Variants in ESRRG observed in about 807,000 individuals in gnomAD.
ESRRG encodes the protein estrogen-related receptor gamma.
Under a neutral mutation model 44.0 loss-of-function variants are expected in ESRRG, and 13 were observed. The ratio of observed to expected loss-of-function variants is 0.30; its 90% CI spans 0.19 to 0.47. The LOEUF is 0.47. Among genes scored for constraint, ESRRG ranks in the 20% least tolerant of loss-of-function variants. The probability of loss-of-function intolerance (pLI) is 1.00; values close to 1 mark genes in which losing one functional copy is unlikely to be tolerated. For missense variants in ESRRG, 395 were observed against 580.6 expected, an observed-to-expected ratio of 0.68 and a Z score of 3.29; for synonymous variants, 215 against 214.6, an observed-to-expected ratio of 1.00 and a Z score of -0.02.
chr1:216,531,471 C>T (rs2049358063), intron 5 of ESRRG, among the ~76,000 whole-genome samples: 1 of 152,092 alleles, frequency 6.6e-6, no homozygotes, highest in South Asian at 2.1e-4. Context: ...GACCAGTTAT[C>T]TTCTCATTGA....
Position 216,920,599 on chromosome 1 carries a change from A to G in ESRRG, c.-14+18983T>C, listed in dbSNP as rs781262512. ...CTGATGTACAAAGAAAGAGACTTAT[A>G]TCATCTTGTGGTGGTTTGTAGGATT... On this transcript the variant is annotated intron_variant, in intron 2 of 7. Coordinates refer to the ESRRG transcript ENST00000359162. Among the ~76,000 whole-genome samples the G allele has an allele frequency of 2.0e-5, 3 of 152,216 alleles. 1 individual carries two copies. The highest frequency in any genetic ancestry group is 2.0e-4 in the Admixed American group (3 of 15,270).
At chr1:216,889,389 G>A (rs923493518) in intron 2 of ESRRG, among the ~76,000 whole-genome samples, 1 of 152,174 alleles carries the variant, frequency 6.6e-6, no homozygotes, top group South Asian at 2.1e-4. Context: ...AATTCAGCAG[G>A]CTGTCAATCA....
At chr1:216,699,895 A>G (rs559654632) in intron 1 of ESRRG, among the ~76,000 whole-genome samples, 1 of 152,344 alleles carries the variant, frequency 6.6e-6, no homozygotes, top group African/African-American at 2.4e-5. Context: ...AGCCTCGCCT[A>G]TGGATTTCCT....
intron 2 of ESRRG, among the ~76,000 whole-genome samples, chr1:216,867,420 C>T (rs946436474): frequency 3.3e-5 from 5 of 152,118 alleles, no homozygotes; most frequent in Admixed American, 6.5e-5. Flanking sequence ...GCAGAAATTT[C>T]TCTTCATATA....
intron 1 of ESRRG, among the ~76,000 whole-genome samples, chr1:216,966,989 T>C (rs1425982136): frequency 6.6e-6 from 1 of 152,134 alleles, no homozygotes; most frequent in Non-Finnish European, 1.5e-5. Flanking sequence ...TGTGTACACA[T>C]CCATTTGAAC....
chr1:216,692,167 G>A (rs570261972), intron 1 of ESRRG, among the ~76,000 whole-genome samples: 161 of 152,132 alleles, frequency 1.1e-3, no homozygotes, highest in African/African-American at 3.7e-3. Flanking sequence ...TCCTTCAGGA[G>A]GTATTTCAGG....
At chr1:216,826,986 T>C (rs779444680) in intron 2 of ESRRG, among the ~76,000 whole-genome samples, 1 of 152,172 alleles carries the variant, frequency 6.6e-6, no homozygotes, top group African/African-American at 2.4e-5. Flanking sequence ...TGATCCCTGC[T>C]GTCCATCACA....
At chr1:217,102,633 C>T (rs938541155) in intron 1 of ESRRG, among the ~76,000 whole-genome samples, 1 of 152,212 alleles carries the variant, frequency 6.6e-6, no homozygotes, top group African/African-American at 2.4e-5. Context: ...GAATAACCTT[C>T]CCCAAAGCAT....
chr1:217,011,732 C>G (rs990687144), intron 1 of ESRRG, among the ~76,000 whole-genome samples: 11 of 152,074 alleles, frequency 7.2e-5, no homozygotes, highest in Non-Finnish European at 1.5e-4. Context: ...TAAATTCTCC[C>G]AGGGATTCCT....
chr1:216,693,182 C>T (rs1458318110), intron 1 of ESRRG, among the ~76,000 whole-genome samples: 1 of 152,226 alleles, frequency 6.6e-6, no homozygotes, highest in African/African-American at 2.4e-5. Context: ...TCCTGGCACT[C>T]CTTCCTTTAG....
At chr1:216,723,196 C>A (rs1405423100) in intron 1 of ESRRG, 48 bp downstream of exon 1, 1 of 1,478,320 alleles carries the variant, frequency 6.8e-7, no homozygotes, top group Non-Finnish European at 9.5e-7. Context: ...CGCCCCCACC[C>A]CCGCACCCCC....
chr1:217,120,724 A>T (rs1223219509), intron 1 of ESRRG, among the ~76,000 whole-genome samples: 1 of 152,080 alleles, frequency 6.6e-6, no homozygotes, highest in Non-Finnish European at 1.5e-5. Context: ...CCTACAATTC[A>T]TCTTTCTCAT....
intron 1 of ESRRG, among the ~76,000 whole-genome samples, chr1:217,117,785 A>C (rs889925244): frequency 1.2e-4 from 19 of 152,110 alleles, no homozygotes; most frequent in African/African-American, 4.3e-4. Context: ...ACTAAATGAC[A>C]TCATATCTTC....
chr1:217,026,912 C>CACACACAGAG lies in ESRRG; in HGVS notation c.-106+62594_-106+62595insCTCTGTGTGT, dbSNP rs1255637839. ...ATACACACACACACACACACACACA[C>CACACACAGAG]AGAGAGAGAGAGAGAGAGAGAGAGA... is the stretch of plus-strand genomic sequence containing the variant. On this transcript the variant is annotated intron_variant, in intron 1 of 7. Transcript: ENST00000359162. 5.6e-4 allele frequency among the ~76,000 whole-genome samples: 52 copies of CACACACAGAG among 93,474 alleles called. 1 individual carries two copies. The East Asian group carries it at 0.016, about 28-fold the overall frequency. 61.3% of individuals were successfully genotyped at this position (93,474 alleles called of 152,430 possible).
intron 1 of ESRRG, among the ~76,000 whole-genome samples, chr1:217,014,051 T>TC (rs2079005892): frequency 6.6e-6 from 1 of 152,048 alleles, no homozygotes; most frequent in South Asian, 2.1e-4. Context: ...ACTTCCTGCA[T>TC]CTGCTTGGAG....
chr1:216,605,290 A>T (rs765157793), intron 3 of ESRRG, among the ~76,000 whole-genome samples: 14 of 152,222 alleles, frequency 9.2e-5, no homozygotes, highest in Non-Finnish European at 1.6e-4. Flanking sequence ...AACTCATAAA[A>T]TCAAATGAAG....
intron 2 of ESRRG, among the ~76,000 whole-genome samples, chr1:216,743,703 CA>C (rs1464608635): frequency 6.6e-6 from 1 of 152,132 alleles, no homozygotes; most frequent in Non-Finnish European, 1.5e-5. Flanking sequence ...TCATCACTGT[CA>C]CTGTCGTTGT....
chr1:216,608,911 G>C (rs572782141), intron 3 of ESRRG, among the ~76,000 whole-genome samples: 1 of 152,198 alleles, frequency 6.6e-6, no homozygotes, highest in African/African-American at 2.4e-5. Flanking sequence ...AGGAGGAATT[G>C]TGTCTTCTGA....
At chr1:216,933,230 T>TA (rs2063629603) in intron 2 of ESRRG, among the ~76,000 whole-genome samples, 1 of 152,130 alleles carries the variant, frequency 6.6e-6, no homozygotes, top group South Asian at 2.1e-4. Flanking sequence ...CTAATTATAA[T>TA]AAAAAAGTAT....
Sources: allele counts gnomAD v4.1 joint callset (sites outside exome capture counted in the v4.1 genomes callset), GRCh38; gene constraint gnomAD v4.1.1; transcripts MANE v1.5; gene names NCBI Gene and HGNC (gene_info 2026-07-23, HGNC 2026-07-21).